ABCA1: variants seen among roughly 807,000 people sequenced by gnomAD.
ABCA1 encodes phospholipid-transporting ATPase ABCA1.
A neutral mutation model predicts 262.5 loss-of-function variants in ABCA1; 133 were observed. The observed-to-expected ratio is 0.51, with a 90% confidence interval of 0.44 to 0.59. The LOEUF (loss-of-function observed/expected upper bound fraction) is 0.59, where lower values mean the gene tolerates loss of function less well. Among genes scored for constraint, ABCA1 ranks in the 20% least tolerant of loss-of-function variants. The probability of loss-of-function intolerance (pLI) is 0.00; values close to 1 mark genes in which losing one functional copy is unlikely to be tolerated. For synonymous variants in ABCA1, 1,022 were observed against 1,043.5 expected, an observed-to-expected ratio of 0.98 and a Z score of 0.40; for missense variants, 2,452 against 2,777.5, an observed-to-expected ratio of 0.88 and a Z score of 2.63.
chr9:104,857,430 C>G (rs1364140456), intron 7 of ABCA1, among the ~76,000 whole-genome samples: 1 of 152,130 alleles, frequency 6.6e-6, no homozygotes, highest in Non-Finnish European at 1.5e-5. Flanking sequence ...CAGGGTTTCA[C>G]CATGTTGGCC....
chr9:104,854,226 A>G (rs1485158838), intron 7 of ABCA1, among the ~76,000 whole-genome samples: 1 of 152,198 alleles, frequency 6.6e-6, no homozygotes, highest in Non-Finnish European at 1.5e-5. Flanking sequence ...CTTCAGTCCT[A>G]CAACTGCACG....
intron 49 of ABCA1, 134 bp downstream of exon 49, chr9:104,785,262 C>G: frequency 8.3e-7 from 1 of 1,205,252 alleles, no homozygotes; most frequent in Non-Finnish European, 1.2e-6. Flanking sequence ...TAGTAAAAAG[C>G]ATAGCTAGGA....
chr9:104,812,536 A>G (rs746220647), intron 28 of ABCA1, 38 bp downstream of exon 28: 1 of 1,613,582 alleles, frequency 6.2e-7, no homozygotes, highest in Non-Finnish European at 8.5e-7. Flanking sequence ...CAGCCCACCC[A>G]TGAAGCCAGA....
rs1483079392 is a variant in ABCA1, at chr9:104,790,922, C to G, written c.5927G>C (p.Ser1976Thr). 6.3e-7 allele frequency: 1 copy of G among 1,599,094 alleles called. No homozygotes were observed. The highest frequency in any genetic ancestry group is 1.1e-5 in the South Asian group (1 of 90,710). The change falls in exon 44 of 50, where the codon AGT becomes ACT. Residue 1976 changes from serine (S) to threonine (T), a missense_variant and splice_region_variant. This residue lies in a region of ABCA1 where 752 missense variants were observed against 944.5 expected (regional missense o/e 0.80). Coordinates refer to ENST00000374736, the MANE Select transcript of ABCA1 (RefSeq NM_005502.4). ...AAATACAAGCCACTTCTTTTCTCAC[C>G]TATTTTTGTTAAGGAAAGCATCTCC... is the stretch of plus-strand genomic sequence containing the variant. The part of the protein sequence containing the change: ...TRGDAFLNKN[S>T]ILSNIHEVHQ...
intron 1 of ABCA1, among the ~76,000 whole-genome samples, chr9:104,917,332 A>T (rs776250072): frequency 1.1e-4 from 16 of 152,352 alleles, no homozygotes; most frequent in Non-Finnish European, 2.1e-4. Context: ...GTTACACAGG[A>T]TGAATTTAAG....
At chr9:104,853,111 T>G (rs1226905799) in intron 7 of ABCA1, among the ~76,000 whole-genome samples, 4 of 152,232 alleles carry the variant, frequency 2.6e-5, no homozygotes, top group Non-Finnish European at 5.9e-5. Context: ...GCACCCTCAC[T>G]TTCCCTTCTT....
Position 104,787,688 on chromosome 9 carries a change from G to T in ABCA1, c.6204+232C>A, listed in dbSNP as rs142959891. On this transcript the variant is annotated intron_variant, in intron 46 of 49. Coordinates refer to ENST00000374736, the MANE Select transcript of ABCA1 (RefSeq NM_005502.4). ...AAATCACATATCCAGCCTCAATCAC[G>T]CTAAGAAACAAAGTGCTTGGAGTGC... 21 of 224,918 alleles carry T rather than the reference G, an allele frequency of 9.3e-5. No individual in the cohort carries two copies. In the East Asian group the frequency reaches 3.6e-3, roughly 39 times the overall value. The allele number at this position is 224,918 out of a possible 1,614,324, so 13.9% of individuals were successfully genotyped here.
intron 29 of ABCA1, among the ~76,000 whole-genome samples, chr9:104,809,987 A>C (rs1831127624): frequency 6.6e-6 from 1 of 152,072 alleles, no homozygotes; most frequent in South Asian, 2.1e-4. Flanking sequence ...ACAACTAGAA[A>C]GCACAAAAAT....
At chr9:104,925,104 C>T (rs1018281951) in intron 1 of ABCA1, among the ~76,000 whole-genome samples, 4 of 152,062 alleles carry the variant, frequency 2.6e-5, no homozygotes, top group African/African-American at 9.7e-5. Flanking sequence ...AGGGGTCGGG[C>T]GCGGTGCCTC....
chr9:104,810,093 T>C (rs1021294116), intron 29 of ABCA1, among the ~76,000 whole-genome samples: 3 of 149,482 alleles, frequency 2.0e-5, no homozygotes, highest in Non-Finnish European at 4.4e-5. Context: ...ACCTGAACTA[T>C]GTAAGAAGAA....
intron 19 of ABCA1, 83 bp from the exon 20 acceptor site, chr9:104,821,589 C>T: frequency 6.5e-7 from 1 of 1,528,602 alleles, no homozygotes; most frequent in East Asian, 2.3e-5. Flanking sequence ...GCAGAGAGAA[C>T]AGAACACCAA....
chr9:104,792,943 C>T (rs758775605), intron 41 of ABCA1, 37 bp from the exon 42 acceptor site: 1 of 1,613,204 alleles, frequency 6.2e-7, no homozygotes, highest in South Asian at 1.1e-5. Context: ...ACCTTTCAAA[C>T]TATTTTTCAG....
intron 25 of ABCA1, 54 bp from the exon 26 acceptor site, chr9:104,814,529 C>T: frequency 6.7e-7 from 1 of 1,496,686 alleles, no homozygotes; most frequent in Non-Finnish European, 9.3e-7. Flanking sequence ...CGAGAGTAGT[C>T]ACCACTGCCA....
intron 5 of ABCA1, among the ~76,000 whole-genome samples, chr9:104,862,311 T>C (rs145134612): frequency 7.7e-4 from 116 of 150,982 alleles, no homozygotes; most frequent in African/African-American, 2.7e-3. Flanking sequence ...GGTTTCACCA[T>C]GATAGGCAGG....
intron 36 of ABCA1, chr9:104,799,574 T>C (rs1830167861): frequency 1.0e-6 from 1 of 985,014 alleles, no homozygotes; most frequent in Non-Finnish European, 1.2e-6. Context: ...GAACTCACTT[T>C]ATATGAATTC....
intron 18 of ABCA1, 47 bp from the exon 19 acceptor site, chr9:104,822,714 G>A (rs1338132653): frequency 3.1e-6 from 5 of 1,607,350 alleles, no homozygotes; most frequent in Non-Finnish European, 3.4e-6. Flanking sequence ...AAGCACTGAG[G>A]AGTGGAGTGT....
chr9:104,789,647 G>A (rs1423535035), intron 44 of ABCA1, among the ~76,000 whole-genome samples: 1 of 152,176 alleles, frequency 6.6e-6, no homozygotes, highest in Non-Finnish European at 1.5e-5. Context: ...ACTACAATTA[G>A]TAACAGTAGG....
rs1828594202 is a variant in ABCA1 at position 104,782,388 on chromosome 9, G to T, written c.*1927C>A. On this transcript the variant is annotated 3_prime_UTR_variant, in exon 50 of 50. Coordinates refer to ENST00000374736, the MANE Select transcript of ABCA1 (RefSeq NM_005502.4). ...TAGAAAGATTAATTTGAAATCTGAA[G>T]TCTTACACCTTTAGCGTTAATATTC... 1 of 152,018 alleles carries T rather than the reference G, an allele frequency of 6.6e-6. No individual in the cohort carries two copies. The highest frequency in any genetic ancestry group is 6.5e-5 in the Admixed American group (1 of 15,268). The allele number at this position is 152,018 out of a possible 1,614,324, so 9.4% of individuals were successfully genotyped here. A position where few individuals can be genotyped will look rare whatever the true frequency, so the allele number is the denominator to read the frequency against.
chr9:104,859,335 T>C (rs1836140000), intron 6 of ABCA1, among the ~76,000 whole-genome samples: 1 of 152,216 alleles, frequency 6.6e-6, no homozygotes, highest in Non-Finnish European at 1.5e-5. Flanking sequence ...CTTGGTCATA[T>C]TTTACTTAAT....
Sources: gnomAD v4.1 joint callset for allele counts (sites outside exome capture counted in the v4.1 genomes callset) on GRCh38, gnomAD v4.1.1 for gene constraint, gnomAD v4.1.1 regional missense constraint, MANE v1.5 for transcripts, NCBI Gene and HGNC (gene_info 2026-07-23, HGNC 2026-07-21) for gene names.